RIMKLB: variants seen among roughly 807,000 people sequenced by gnomAD.
RIMKLB encodes ribosomal modification protein rimK like family member B.
Under a neutral mutation model 32.0 loss-of-function variants are expected in RIMKLB, and 7 were observed. That is an observed-to-expected ratio of 0.22 (90% CI 0.12 to 0.41). The LOEUF (loss-of-function observed/expected upper bound fraction) is 0.41, where lower values mean the gene tolerates loss of function less well. Ranked by LOEUF, RIMKLB falls within the 10% of genes least tolerant of loss-of-function variation. The probability of loss-of-function intolerance (pLI) is 1.00; values close to 1 mark genes in which losing one functional copy is unlikely to be tolerated. For missense variants in RIMKLB, 289 were observed against 498.7 expected (o/e 0.58, Z 4.00); for synonymous variants, 172 against 185.1 (o/e 0.93, Z 0.57).
chr12:8,718,839 C>A (rs1370919833), intron 2 of RIMKLB, among the ~76,000 whole-genome samples: 1 of 152,142 alleles, frequency 6.6e-6, no homozygotes, highest in East Asian at 1.9e-4. Flanking sequence ...ACCAGAAGGA[C>A]ATGTTTGTTG....
intron 5 of RIMKLB, among the ~76,000 whole-genome samples, chr12:8,755,345 C>A (rs1269459151): frequency 6.6e-6 from 1 of 151,950 alleles, no homozygotes; most frequent in South Asian, 2.1e-4. Flanking sequence ...AAGTAATCCT[C>A]CTTCATTGGC....
At chr12:8,707,839 A>G (rs1423053277) in intron 1 of RIMKLB, among the ~76,000 whole-genome samples, 1 of 152,166 alleles carries the variant, frequency 6.6e-6, no homozygotes, top group Admixed American at 6.5e-5. Context: ...AAGAGACACA[A>G]ATTTGTTATT....
At chr12:8,764,806 T>G (rs1012826870) in intron 5 of RIMKLB, among the ~76,000 whole-genome samples, 1 of 152,020 alleles carries the variant, frequency 6.6e-6, no homozygotes, top group African/African-American at 2.4e-5. Context: ...TTATTTCTAT[T>G]TGGACAATCT....
At chr12:8,682,364 A>AG (rs1307689889) in intron 1 of RIMKLB, among the ~76,000 whole-genome samples, 3 of 152,158 alleles carry the variant, frequency 2.0e-5, no homozygotes, top group Non-Finnish European at 2.9e-5. Context: ...ACAGGATGAA[A>AG]GGCTCCTAAT....
At chr12:8,694,273 T>G (rs927118077), upstream of RIMKLB, among the ~76,000 whole-genome samples, 2 of 151,790 alleles carry the variant, frequency 1.3e-5, no homozygotes, top group Non-Finnish European at 2.9e-5. Context: ...AGACAGGCTC[T>G]CCCTGTGTTG....
the RIMKLB span, among the ~76,000 whole-genome samples, chr12:8,673,226 C>G: frequency 1.3e-5 from 2 of 152,004 alleles, no homozygotes; most frequent in East Asian, 3.9e-4. Flanking sequence ...CAGCCTAATA[C>G]AGTGACAGAG....
intron 2 of RIMKLB, among the ~76,000 whole-genome samples, chr12:8,714,908 A>G (rs1281822518): frequency 3.3e-5 from 5 of 152,180 alleles, no homozygotes; most frequent in African/African-American, 4.8e-5. Flanking sequence ...ACTAAGCCCC[A>G]TGATTTAATT....
intron 2 of RIMKLB, among the ~76,000 whole-genome samples, chr12:8,745,392 T>C (rs1196681403): frequency 6.6e-6 from 1 of 151,854 alleles, no homozygotes; most frequent in Non-Finnish European, 1.5e-5. Context: ...CTCAGGCTGA[T>C]TCCCGTAAAT....
At position 8,782,719 on chromosome 12, in the gene RIMKLB, A is replaced by G. The variant is rs765446783; in HGVS notation, c.*298-193A>G. Among the ~76,000 whole-genome samples the G allele has an allele frequency of 5.3e-5, 8 of 152,302 alleles. No individual in the cohort carries two copies. In the East Asian group the frequency reaches 9.7e-4, roughly 18 times the overall value. On this transcript the variant is annotated intron_variant, in intron 7 of 7. Coordinates refer to the RIMKLB transcript ENST00000619374. Reference sequence around the variant, plus strand: ...ATGTCTTCTAAGTCAGAATCAGAGTATATCTTTGTTAACTGAGCTCACCAA... The same window carrying G: ...ATGTCTTCTAAGTCAGAATCAGAGTGTATCTTTGTTAACTGAGCTCACCAA...
chr12:8,673,593 C>T, the RIMKLB span, among the ~76,000 whole-genome samples: 5 of 151,184 alleles, frequency 3.3e-5, no homozygotes, highest in African/African-American at 9.7e-5. Context: ...TCAACTCACT[C>T]GAGCTTCTTT....
At chr12:8,716,454 T>TTTTTC (rs1944843182) in intron 2 of RIMKLB, among the ~76,000 whole-genome samples, 1 of 124,450 alleles carries the variant, frequency 8.0e-6, no homozygotes, top group Non-Finnish European at 1.8e-5. Context: ...TTTTTTTTTT[T>TTTTTC]AATTCACAAG....
rs758576248 is a variant in RIMKLB at position 8,754,001 on chromosome 12, G to T, written c.605G>T (p.Arg202Leu). 1 of 1,613,914 alleles carries T rather than the reference G, an allele frequency of 6.2e-7. No individual in the cohort carries two copies. Among genetic ancestry groups the T allele is most frequent in the Non-Finnish European group, 8.5e-7 (1 of 1,179,820 alleles). ...AAGTATGTTAAAGAGTCTCATGGAC[G>T]GGATGTACGTGTCATTGTCGTGGGA... is the stretch of plus-strand genomic sequence containing the variant. ...FQKYVKESHG[R>L]DVRVIVVGGR... The change falls in exon 5 of 6, where the codon CGG becomes CTG. Residue 202 changes from arginine (R) to leucine (L), a missense_variant. This residue lies in a region of RIMKLB where 156 missense variants were observed against 329.5 expected (regional missense o/e 0.47). Coordinates refer to ENST00000535829, the MANE Select transcript of RIMKLB (RefSeq NM_001297776.2).
At chr12:8,710,652 T>C (rs752140877) in intron 1 of RIMKLB, among the ~76,000 whole-genome samples, 16 of 152,240 alleles carry the variant, frequency 1.1e-4, no homozygotes, top group Middle Eastern at 3.4e-3. Flanking sequence ...CAGAGGGGAA[T>C]ATTATTTTCT....
chr12:8,710,265 C>T (rs1944260488), intron 1 of RIMKLB, among the ~76,000 whole-genome samples: 1 of 150,532 alleles, frequency 6.6e-6, no homozygotes. Context: ...AAATGAACTA[C>T]CGCTCCCCGC....
At chr12:8,766,763 C>T (rs1950001827) in intron 5 of RIMKLB, among the ~76,000 whole-genome samples, 3 of 152,106 alleles carry the variant, frequency 2.0e-5, no homozygotes, top group Admixed American at 2.0e-4. Context: ...GATTTAAATC[C>T]CCTGTTAGGA....
At chr12:8,673,667 C>T in the RIMKLB span, among the ~76,000 whole-genome samples, 1 of 151,696 alleles carries the variant, frequency 6.6e-6, no homozygotes, top group Non-Finnish European at 1.5e-5. Flanking sequence ...ACAATCTTGG[C>T]TCACTGCAAC....
rs143726591 is a variant in RIMKLB at position 8,760,629 on chromosome 12, C to T, written c.697+6536C>T. ...TGTTGTTTCCTGACTTTTTAATGAT[C>T]GCCATTGTAACTGGTGTGAGATGGT... On this transcript the variant is annotated intron_variant, in intron 5 of 5. Transcript: ENST00000535829. Among the ~76,000 whole-genome samples the T allele has an allele frequency of 5.5e-3, 831 of 152,026 alleles. 4 individuals are homozygous for T. Among genetic ancestry groups the T allele is most frequent in the African/African-American group, 0.019 (776 of 41,512 alleles).
chr12:8,715,228 C>CTTTTTTTTTTT (rs61677474), intron 2 of RIMKLB, among the ~76,000 whole-genome samples: 11 of 123,740 alleles, frequency 8.9e-5, no homozygotes, highest in African/African-American at 3.3e-4. Context: ...TGCTCTTGTT[C>CTTTTTTTTTTT]TTTTTTTTTT....
chr12:8,771,559 T>C (rs771705355), intron 5 of RIMKLB, among the ~76,000 whole-genome samples: 2 of 152,334 alleles, frequency 1.3e-5, no homozygotes, highest in Non-Finnish European at 2.9e-5. Context: ...ATAATTCTTA[T>C]ATTGTAAGAG....
Sources: allele counts gnomAD v4.1 joint callset (sites outside exome capture counted in the v4.1 genomes callset), GRCh38; gene constraint gnomAD v4.1.1; regional missense constraint gnomAD v4.1.1; transcripts MANE v1.5; gene names NCBI Gene and HGNC (gene_info 2026-07-23, HGNC 2026-07-21).